PTPRM: variants seen among roughly 807,000 people sequenced by gnomAD.
PTPRM encodes protein tyrosine phosphatase receptor type M.
PTPRM carries 47 observed loss-of-function variants against 186.7 expected under a neutral mutation model. That is an observed-to-expected ratio of 0.25 (90% CI 0.20 to 0.32). PTPRM has a LOEUF of 0.32. Among genes scored for constraint, PTPRM ranks in the 10% least tolerant of loss-of-function variants. The pLI, the probability that PTPRM is intolerant of heterozygous loss-of-function variation, is 1.00. For missense variants in PTPRM, 1,494 were observed against 1,865.0 expected (o/e 0.80, Z 3.66); for synonymous variants, 668 against 674.9 (o/e 0.99, Z 0.16).
chr18:7,791,216 A>G (rs1254077102), intron 2 of PTPRM, among the ~76,000 whole-genome samples: 1 of 152,222 alleles, frequency 6.6e-6, no homozygotes, highest in Non-Finnish European at 1.5e-5. Flanking sequence ...ATCTGAATTC[A>G]GTAGGCCCTG....
intron 7 of PTPRM, among the ~76,000 whole-genome samples, chr18:8,065,744 C>G (rs905011805): frequency 6.6e-6 from 1 of 152,192 alleles, no homozygotes; most frequent in Admixed American, 6.5e-5. Flanking sequence ...CCATTTATTA[C>G]CCTTTTATCT....
chr18:8,200,466 A>G (rs970504853), intron 14 of PTPRM, among the ~76,000 whole-genome samples: 1 of 152,252 alleles, frequency 6.6e-6, no homozygotes, highest in Non-Finnish European at 1.5e-5. Flanking sequence ...CTTCAGGCTC[A>G]GGGCTGGCCC....
At chr18:7,753,333 T>C (rs985941607) in intron 1 of PTPRM, among the ~76,000 whole-genome samples, 2 of 152,110 alleles carry the variant, frequency 1.3e-5, no homozygotes, top group Non-Finnish European at 2.9e-5. Context: ...TCTATACATA[T>C]ATATGTATAG....
At chr18:7,917,767 C>CG (rs1555645357) in intron 4 of PTPRM, among the ~76,000 whole-genome samples, 1 of 151,880 alleles carries the variant, frequency 6.6e-6, no homozygotes, top group Non-Finnish European at 1.5e-5. Flanking sequence ...TCTTCAAGCA[C>CG]TAAGTTTTAT....
At chr18:8,352,913 A>G (rs1212061226) in intron 23 of PTPRM, among the ~76,000 whole-genome samples, 1 of 151,932 alleles carries the variant, frequency 6.6e-6, no homozygotes, top group Non-Finnish European at 1.5e-5. Flanking sequence ...CTTGTGATCC[A>G]CCTGCCTTGG....
At chr18:8,340,301 G>A (rs969015184) in intron 22 of PTPRM, among the ~76,000 whole-genome samples, 2 of 152,132 alleles carry the variant, frequency 1.3e-5, no homozygotes, top group African/African-American at 2.4e-5. Flanking sequence ...TTCATTTTTA[G>A]ATTTTAACAC....
At chr18:7,925,279 A>G (rs1568022138) in intron 4 of PTPRM, among the ~76,000 whole-genome samples, 2 of 152,212 alleles carry the variant, frequency 1.3e-5, no homozygotes, top group African/African-American at 4.8e-5. Flanking sequence ...GTATTAAGAA[A>G]CAATGGTCCA....
intron 20 of PTPRM, among the ~76,000 whole-genome samples, chr18:8,305,364 G>A (rs756207724): frequency 7.2e-5 from 11 of 152,128 alleles, no homozygotes; most frequent in Non-Finnish European, 1.0e-4. Context: ...TAAGTCATTG[G>A]CACTAATAAG....
intron 13 of PTPRM, among the ~76,000 whole-genome samples, chr18:8,116,155 C>A (rs2091949458): frequency 6.6e-6 from 1 of 152,134 alleles, no homozygotes; most frequent in African/African-American, 2.4e-5. Flanking sequence ...ACCAGGTATC[C>A]ATTGATGCTC....
At chr18:7,948,735 A>G (rs923083807) in intron 5 of PTPRM, among the ~76,000 whole-genome samples, 1 of 152,186 alleles carries the variant, frequency 6.6e-6, no homozygotes, top group Admixed American at 6.5e-5. Context: ...TTATAGTTGA[A>G]TGTTATTCTT....
intron 14 of PTPRM, among the ~76,000 whole-genome samples, chr18:8,215,957 G>A (rs1287275606): frequency 1.3e-5 from 2 of 152,170 alleles, no homozygotes; most frequent in African/African-American, 2.4e-5. Flanking sequence ...CCCCCTGTCT[G>A]TCAATAACCA....
At position 7,800,219 on chromosome 18, in the gene PTPRM, A is replaced by G. The variant is rs9955845; in HGVS notation, c.196+25948A>G. Among the ~76,000 whole-genome samples, 728 of 152,322 alleles carry G rather than the reference A, an allele frequency of 4.8e-3. 4 individuals are homozygous for G. Among genetic ancestry groups the G allele is most frequent in the African/African-American group, 0.017 (690 of 41,570 alleles). On this transcript the variant is annotated intron_variant, in intron 2 of 32. Transcript: ENST00000580170. ...AGGTGAGCGCCAAAGCATACACTAAATCTATTACAGCGCTGCCCAATGTCA... is the reference window on the plus strand; with the variant it reads ...AGGTGAGCGCCAAAGCATACACTAAGTCTATTACAGCGCTGCCCAATGTCA...
intron 1 of PTPRM, among the ~76,000 whole-genome samples, chr18:7,666,536 T>TA (rs1225804694): frequency 6.6e-6 from 1 of 152,176 alleles, no homozygotes; most frequent in Non-Finnish European, 1.5e-5. Context: ...GTCTTCACAG[T>TA]ACTTTGTCCC....
intron 2 of PTPRM, among the ~76,000 whole-genome samples, chr18:7,844,032 C>A (rs2046473988): frequency 6.6e-6 from 1 of 152,128 alleles, no homozygotes; most frequent in Non-Finnish European, 1.5e-5. Context: ...CCTGAGGGGG[C>A]AGGTGGTCAC....
chr18:8,144,527 T>C (rs1357231241), intron 14 of PTPRM, among the ~76,000 whole-genome samples: 1 of 152,000 alleles, frequency 6.6e-6, no homozygotes, highest in Non-Finnish European at 1.5e-5. Context: ...GAGGCTGAGA[T>C]GGGAGGATCA....
chr18:8,297,253 CA>C (rs2095107424), intron 20 of PTPRM, among the ~76,000 whole-genome samples: 1 of 152,206 alleles, frequency 6.6e-6, no homozygotes, highest in Non-Finnish European at 1.5e-5. Context: ...AGCAACACAA[CA>C]ATGCAGATTA....
At chr18:7,958,060 A>G (rs1023465649) in intron 7 of PTPRM, among the ~76,000 whole-genome samples, 4 of 152,160 alleles carry the variant, frequency 2.6e-5, no homozygotes, top group African/African-American at 7.2e-5. Flanking sequence ...AAAAGCCAAG[A>G]GTACTGGCTT....
chr18:7,661,777 T>G (rs1046389820), intron 1 of PTPRM, among the ~76,000 whole-genome samples: 6 of 152,188 alleles, frequency 3.9e-5, no homozygotes, highest in Admixed American at 6.5e-5. Flanking sequence ...TTTGTCCTGA[T>G]TGGGTAAGTA....
intron 29 of PTPRM, among the ~76,000 whole-genome samples, 183 bp downstream of exon 29, chr18:8,380,610 T>A (rs933204575): frequency 4.8e-5 from 7 of 146,246 alleles, no homozygotes; most frequent in Non-Finnish European, 8.8e-5. Context: ...GGTTAGAAAG[T>A]CAGTTGAAAC....
Sources: gnomAD v4.1 joint callset for allele counts (sites outside exome capture counted in the v4.1 genomes callset) on GRCh38, gnomAD v4.1.1 for gene constraint, MANE v1.5 for transcripts, NCBI Gene and HGNC (gene_info 2026-07-23, HGNC 2026-07-21) for gene names.